Variants in ZFHX3 observed in about 807,000 individuals in gnomAD.
The protein encoded by ZFHX3 is zinc finger homeobox protein 3.
A neutral mutation model predicts 279.1 loss-of-function variants in ZFHX3; 42 were observed. That is an observed-to-expected ratio of 0.15 (90% CI 0.12 to 0.19). The LOEUF (loss-of-function observed/expected upper bound fraction) is 0.19. Among genes scored for constraint, ZFHX3 ranks in the 10% least tolerant of loss-of-function variants. ZFHX3 has a pLI of 1.00. For missense variants in ZFHX3, 4,981 were observed against 4,754.0 expected (o/e 1.05, Z -1.40); for synonymous variants, 2,293 against 1,957.8 (o/e 1.17, Z -4.52).
Position 73,346,312 on chromosome 16 carries a change from T to C in ZFHX3, c.-1290-27976A>G, listed in dbSNP as rs866931203. Among the ~76,000 whole-genome samples, 8 of 152,252 alleles carry C rather than the reference T, an allele frequency of 5.3e-5. No homozygotes were observed. In the South Asian group the frequency reaches 6.2e-4, roughly 12 times the overall value. On this transcript the variant is annotated intron_variant, in intron 3 of 17. Coordinates refer to the ZFHX3 transcript ENST00000641206. ...AAAGCCTCACGCACCTGGAACACTC[T>C]GGGCTCTCCCACCGTCTGTCCTCTC...
chr16:73,385,557 G>A (rs1183249543), intron 3 of ZFHX3, among the ~76,000 whole-genome samples: 3 of 152,314 alleles, frequency 2.0e-5, no homozygotes, highest in East Asian at 3.9e-4. Flanking sequence ...AAAGGGTTCA[G>A]GAATCCTGCT....
chr16:72,953,865 C>T (rs191046683), intron 2 of ZFHX3, among the ~76,000 whole-genome samples: 13 of 152,162 alleles, frequency 8.5e-5, no homozygotes, highest in African/African-American at 3.1e-4. Context: ...CCATGCCTGG[C>T]CAGCATTCTA....
At chr16:73,840,137 A>G (rs2142368478) in intron 1 of ZFHX3, among the ~76,000 whole-genome samples, 1 of 152,316 alleles carries the variant, frequency 6.6e-6, no homozygotes, top group Admixed American at 6.5e-5. Flanking sequence ...CAGATCAGGA[A>G]ATAAGTAATG....
In ZFHX3 at chr16:72,811,697, C is replaced by T; in HGVS notation, c.3744G>A (p.Val1248=). 2 of 1,614,090 alleles carry T rather than the reference C, an allele frequency of 1.2e-6. No homozygotes were observed. The highest frequency in any genetic ancestry group is 1.7e-4 in the Middle Eastern group (1 of 6,022). Residue 1248 remains valine, a synonymous_variant, in exon 7 of 10, where the codon GTG becomes GTA. Coordinates refer to ENST00000268489, the MANE Select transcript of ZFHX3 (RefSeq NM_006885.4). The part of the protein sequence containing the change: ...LRVHAMTQHS[V]QPMLRCPLCQ... The stretch of plus-strand genomic sequence containing the variant: ...ACAGGGGGCAGCGAAGCATGGGTTG[C>T]ACCGAGTGCTGCGTCATGGCATGCA...
At chr16:73,858,189 C>T (rs1043626296) in intron 1 of ZFHX3, among the ~76,000 whole-genome samples, 2 of 151,944 alleles carry the variant, frequency 1.3e-5, no homozygotes, top group African/African-American at 4.8e-5. Context: ...CCCCCATGCA[C>T]ATGAGGGTTG....
At chr16:73,097,140 A>G (rs1327602962) in intron 7 of ZFHX3, among the ~76,000 whole-genome samples, 1 of 151,078 alleles carries the variant, frequency 6.6e-6, no homozygotes, top group African/African-American at 2.4e-5. Flanking sequence ...TGCAGCCTCA[A>G]CCTCCCAGGC....
intron 3 of ZFHX3, among the ~76,000 whole-genome samples, chr16:73,368,399 A>G (rs554026809): frequency 9.2e-5 from 14 of 152,254 alleles, no homozygotes; most frequent in Admixed American, 6.5e-5. Context: ...CTGTGCTTCC[A>G]AAGAGTGTGA....
chr16:73,523,336 C>A (rs575964676), intron 2 of ZFHX3, among the ~76,000 whole-genome samples: 1 of 152,156 alleles, frequency 6.6e-6, no homozygotes, highest in Non-Finnish European at 1.5e-5. Context: ...ATAGTTACTA[C>A]GTGGTTTCTG....
chr16:73,623,764 A>G (rs1364639625), intron 2 of ZFHX3, among the ~76,000 whole-genome samples: 1 of 152,200 alleles, frequency 6.6e-6, no homozygotes, highest in African/African-American at 2.4e-5. Flanking sequence ...CCCCCAATCC[A>G]TGTATCCTTT....
At chr16:73,249,927 A>T (rs2013431488) in intron 5 of ZFHX3, among the ~76,000 whole-genome samples, 1 of 151,978 alleles carries the variant, frequency 6.6e-6, no homozygotes, top group African/African-American at 2.4e-5. Flanking sequence ...CGCAACTACC[A>T]CCTTGGCCAA....
intron 2 of ZFHX3, among the ~76,000 whole-genome samples, chr16:73,567,481 T>C (rs2020467975): frequency 6.6e-6 from 1 of 152,330 alleles, no homozygotes; most frequent in Admixed American, 6.5e-5. Flanking sequence ...CTGCCAGTGC[T>C]TTCTCTACCA....
intron 3 of ZFHX3, among the ~76,000 whole-genome samples, chr16:73,357,727 G>A (rs545770730): frequency 9.2e-5 from 14 of 152,262 alleles, no homozygotes; most frequent in East Asian, 7.7e-4. Context: ...AATTTGAACC[G>A]TGGCCTGTGT....
chr16:73,209,362 A>G (rs1382164370), intron 5 of ZFHX3, among the ~76,000 whole-genome samples: 1 of 152,174 alleles, frequency 6.6e-6, no homozygotes, highest in Non-Finnish European at 1.5e-5. Flanking sequence ...TTTTTCCCCC[A>G]TGGGTCTGGA....
chr16:72,822,268 A>G (rs140223890), intron 5 of ZFHX3, among the ~76,000 whole-genome samples: 10 of 152,384 alleles, frequency 6.6e-5, no homozygotes, highest in Non-Finnish European at 1.5e-5. Context: ...TCTGACAACA[A>G]GAGAAGCATA....
chr16:73,145,737 G>A (rs919101649), intron 5 of ZFHX3, among the ~76,000 whole-genome samples: 2 of 152,242 alleles, frequency 1.3e-5, no homozygotes, highest in Non-Finnish European at 2.9e-5. Context: ...AGGTGATACC[G>A]TCACTGACTT....
intron 7 of ZFHX3, among the ~76,000 whole-genome samples, chr16:73,105,341 G>GTATA (rs59245170): frequency 0.048 from 5,251 of 109,604 alleles, 163 homozygotes; most frequent in South Asian, 0.14. Flanking sequence ...ACACACGTGT[G>GTATA]TATATATATA....
intron 3 of ZFHX3, among the ~76,000 whole-genome samples, chr16:73,437,474 C>T (rs1296114911): frequency 6.6e-6 from 1 of 152,042 alleles, no homozygotes; most frequent in African/African-American, 2.4e-5. Flanking sequence ...CCCTTCATGC[C>T]TCAAAGCATT....
At chr16:73,401,369 A>ACACACACACACACACACAC (rs35247550) in intron 3 of ZFHX3, 7 of 66,130 alleles carry the variant, frequency 1.1e-4, no homozygotes, top group South Asian at 6.4e-4. Context: ...AACAAAAAAC[A>ACACACACACACACACACAC]AAACACACAC....
chr16:73,151,458 G>A (rs571075314), intron 5 of ZFHX3, among the ~76,000 whole-genome samples: 2 of 152,286 alleles, frequency 1.3e-5, no homozygotes, highest in South Asian at 2.1e-4. Context: ...GAGGCAGGTT[G>A]GAGGAAGGCC....
Sources: gnomAD v4.1 joint callset for allele counts (sites outside exome capture counted in the v4.1 genomes callset) on GRCh38, gnomAD v4.1.1 for gene constraint, MANE v1.5 for transcripts, NCBI Gene and HGNC (gene_info 2026-07-23, HGNC 2026-07-21) for gene names.